The following ADAM18 variants were observed in gnomAD, a reference collection of about 807,000 sequenced individuals.
ADAM18 encodes the protein ADAM metallopeptidase domain 18.
ADAM18 carries 117 observed loss-of-function variants against 94.4 expected under a neutral mutation model. The ratio of observed to expected loss-of-function variants is 1.24; its 90% CI spans 1.07 to 1.45. The LOEUF (loss-of-function observed/expected upper bound fraction) is 1.45. ADAM18 is among the 40% of genes most tolerant of loss of function. ADAM18 has a pLI of 0.00. For synonymous variants in ADAM18, 327 were observed against 291.6 expected (o/e 1.12, Z -1.24); for missense variants, 936 against 880.0 (o/e 1.06, Z -0.81).
chr8:39,716,264 G>A (rs990724822), intron 18 of ADAM18, among the ~76,000 whole-genome samples: 1 of 151,250 alleles, frequency 6.6e-6, no homozygotes, highest in Non-Finnish European at 1.5e-5. Flanking sequence ...TCTCTTTCTA[G>A]TTCTTTGAAG....
intron 14 of ADAM18, among the ~76,000 whole-genome samples, chr8:39,671,463 C>A (rs1821154586): frequency 6.6e-6 from 1 of 152,150 alleles, no homozygotes; most frequent in Admixed American, 6.5e-5. Flanking sequence ...AAGAGCCCCT[C>A]ATCTTTTAAA....
intron 16 of ADAM18, among the ~76,000 whole-genome samples, chr8:39,686,856 T>G (rs1821619092): frequency 6.6e-6 from 1 of 152,230 alleles, no homozygotes; most frequent in Non-Finnish European, 1.5e-5. Flanking sequence ...TGCAGTGTAT[T>G]ATGTGACTAA....
intron 14 of ADAM18, among the ~76,000 whole-genome samples, chr8:39,674,617 T>C (rs1821248252): frequency 6.6e-6 from 1 of 152,208 alleles, no homozygotes; most frequent in South Asian, 2.1e-4. Context: ...ATTTAGCCCA[T>C]TTACATTTAA....
intron 12 of ADAM18, among the ~76,000 whole-genome samples, chr8:39,656,790 T>A (rs35739681): frequency 0.63 from 95,839 of 152,048 alleles, 32,323 homozygotes; most frequent in Non-Finnish European, 0.76. Context: ...CAAAGTGGAT[T>A]TACTAATCGC....
chr8:39,702,588 G>A (rs1047193297), intron 17 of ADAM18, among the ~76,000 whole-genome samples: 2 of 152,088 alleles, frequency 1.3e-5, no homozygotes, highest in African/African-American at 4.8e-5. Flanking sequence ...TATTGCCTAG[G>A]TCTTATTCCA....
intron 18 of ADAM18, among the ~76,000 whole-genome samples, chr8:39,712,773 C>A (rs1292200982): frequency 1.3e-5 from 2 of 152,076 alleles, no homozygotes; most frequent in African/African-American, 4.8e-5. Context: ...CAAACCACTG[C>A]TCAATAAAAT....
At chr8:39,651,463 C>G (rs988214409) in intron 12 of ADAM18, among the ~76,000 whole-genome samples, 2 of 152,218 alleles carry the variant, frequency 1.3e-5, no homozygotes, top group African/African-American at 4.8e-5. Context: ...GTCCCTGCGG[C>G]CTTCCGCAGT....
intron 16 of ADAM18, among the ~76,000 whole-genome samples, chr8:39,690,655 A>C (rs1821746968): frequency 6.6e-6 from 1 of 152,196 alleles, no homozygotes; most frequent in African/African-American, 2.4e-5. Context: ...TGTCATCCCA[A>C]ACTGAAACTC....
chr8:39,670,561 A>G (rs1009546989), intron 14 of ADAM18, among the ~76,000 whole-genome samples: 2 of 152,206 alleles, frequency 1.3e-5, no homozygotes, highest in Admixed American at 1.3e-4. Context: ...TGCTTAATCA[A>G]AATTATACAT....
chr8:39,645,572 T>A, intron 11 of ADAM18, 98 bp downstream of exon 11: 1 of 1,158,004 alleles, frequency 8.6e-7, no homozygotes, highest in Non-Finnish European at 1.2e-6. Flanking sequence ...ACCACATCAA[T>A]GGCTAGAAAG....
chr8:39,619,815 A>AATT (rs1224409681), intron 6 of ADAM18, among the ~76,000 whole-genome samples: 2 of 152,174 alleles, frequency 1.3e-5, no homozygotes, highest in African/African-American at 4.8e-5. Flanking sequence ...ATATTACTTA[A>AATT]AGAGACTTAC....
rs372439338 is a variant in ADAM18, at chr8:39,670,132, C to T, written c.1525+1936C>T. On this transcript the variant is annotated intron_variant, in intron 14 of 19. Transcript: ENST00000265707. Reference sequence around the variant, plus strand: ...TGTCTTCTTTTGAGAAATGTCTGTTCATATCCTTCACCCACTTTTTGATGG... The same window carrying T: ...TGTCTTCTTTTGAGAAATGTCTGTTTATATCCTTCACCCACTTTTTGATGG... Among the ~76,000 whole-genome samples, 12 of 152,196 alleles carry T rather than the reference C, an allele frequency of 7.9e-5. No individual in the cohort carries two copies. In the South Asian group the frequency reaches 1.2e-3, roughly 16 times the overall value.
At chr8:39,620,357 C>CAAAAAAAAAAAAAAAAAAAAA (rs61555393) in intron 6 of ADAM18, among the ~76,000 whole-genome samples, 16 of 90,568 alleles carry the variant, frequency 1.8e-4, no homozygotes, top group Admixed American at 4.1e-4. Flanking sequence ...GCAACAAAAG[C>CAAAAAAAAAAAAAAAAAAAAA]AAAAAAAAAA....
intron 6 of ADAM18, among the ~76,000 whole-genome samples, chr8:39,617,593 T>G (rs1819480937): frequency 6.6e-6 from 1 of 152,192 alleles, no homozygotes; most frequent in South Asian, 2.1e-4. Context: ...AATCTAGATG[T>G]CCATCAGTGA....
chr8:39,718,571 T>C (rs1822645512), intron 18 of ADAM18, among the ~76,000 whole-genome samples: 1 of 151,276 alleles, frequency 6.6e-6, no homozygotes, highest in East Asian at 1.9e-4. Flanking sequence ...GGGTGGAAAA[T>C]TACAAATTAA....
At chr8:39,617,869 T>C (rs1440384340) in intron 6 of ADAM18, among the ~76,000 whole-genome samples, 2 of 152,092 alleles carry the variant, frequency 1.3e-5, no homozygotes, top group African/African-American at 2.4e-5. Flanking sequence ...TGGGGACCTA[T>C]TGGGTACAAT....
chr8:39,671,748 A>T (rs1172826707), intron 14 of ADAM18, among the ~76,000 whole-genome samples: 2 of 152,148 alleles, frequency 1.3e-5, no homozygotes, highest in Non-Finnish European at 2.9e-5. Context: ...TCTTCTCGCT[A>T]TCCTTCGTGG....
intron 17 of ADAM18, among the ~76,000 whole-genome samples, chr8:39,701,674 G>A: frequency 6.6e-6 from 1 of 152,024 alleles, no homozygotes; most frequent in East Asian, 1.9e-4. Flanking sequence ...ACTGTGTGTT[G>A]TTCCCCTCTA....
chr8:39,621,534 G>C (rs907676208), intron 6 of ADAM18, among the ~76,000 whole-genome samples: 2 of 151,600 alleles, frequency 1.3e-5, no homozygotes, highest in African/African-American at 4.8e-5. Flanking sequence ...AATTTTGGAA[G>C]TTAATTTTAT....
Sources: gnomAD v4.1 joint callset for allele counts (sites outside exome capture counted in the v4.1 genomes callset) on GRCh38, gnomAD v4.1.1 for gene constraint, MANE v1.5 for transcripts, NCBI Gene and HGNC (gene_info 2026-07-23, HGNC 2026-07-21) for gene names.